SELENOT: variants seen among roughly 807,000 people sequenced by gnomAD.
SELENOT encodes thioredoxin reductase-like selenoprotein T.
Under a neutral mutation model 24.3 loss-of-function variants are expected in SELENOT, and 9 were observed. The observed-to-expected ratio is 0.37, with a 90% CI of 0.22 to 0.65. SELENOT has a LOEUF of 0.65. Ranked by LOEUF, SELENOT falls within the 30% of genes least tolerant of loss-of-function variation. The probability of loss-of-function intolerance (pLI) is 0.60; values close to 1 mark genes in which losing one functional copy is unlikely to be tolerated. For missense variants in SELENOT, 166 were observed against 247.6 expected, an observed-to-expected ratio of 0.67 and a Z score of 2.21; for synonymous variants, 81 against 86.0, an observed-to-expected ratio of 0.94 and a Z score of 0.32.
chr3:150,618,193 A>T (rs961118047), intron 1 of SELENOT, among the ~76,000 whole-genome samples: 1 of 151,902 alleles, frequency 6.6e-6, no homozygotes, highest in Non-Finnish European at 1.5e-5. Flanking sequence ...TAGAGAAGGA[A>T]CTCTGTTTGG....
At chr3:150,613,039 C>A (rs1576531279) in intron 1 of SELENOT, among the ~76,000 whole-genome samples, 2 of 152,136 alleles carry the variant, frequency 1.3e-5, no homozygotes, top group African/African-American at 2.4e-5. Flanking sequence ...ATGAAAGAGT[C>A]CGAAAGATTT....
rs1379659448 is a variant in SELENOT, at chr3:150,627,773, G to A, written c.*144G>A. On this transcript the variant is annotated 3_prime_UTR_variant, in exon 6 of 6. Transcript: ENST00000471696. ...TCTTGGCAGGCTCGTTGTACCTCTT[G>A]GAAAACCTCAATGCAAGATAGTGTT... 1 of 152,560 alleles carries A rather than the reference G, an allele frequency of 6.6e-6. No homozygotes were observed. The highest frequency in any genetic ancestry group is 2.1e-4 in the South Asian group (1 of 4,834). 9.5% of individuals were successfully genotyped at this position (152,560 alleles called of 1,614,324 possible). A position where few individuals can be genotyped will look rare whatever the true frequency, so the allele number is the denominator to read the frequency against.
intron 3 of SELENOT, 50 bp from the exon 4 acceptor site, chr3:150,624,762 A>T (rs1254137750): frequency 8.5e-7 from 1 of 1,177,372 alleles, no homozygotes; most frequent in South Asian, 1.4e-5. Context: ...TAAAAAGAGC[A>T]TTTACCAAAC....
In SELENOT at chr3:150,629,100, T is replaced by G. The variant is rs1162508050; in HGVS notation, c.*1471T>G. On this transcript the variant is annotated 3_prime_UTR_variant, in exon 6 of 6. Coordinates refer to ENST00000471696, the MANE Select transcript of SELENOT (RefSeq NM_016275.5). ...ACACTTAGGTGTTAGAAGACCTAAC[T>G]TTCTGTAACAATTAACCTTATACTT... 1.3e-5 allele frequency: 2 copies of G among 152,214 alleles called. No individual in the cohort carries two copies. Among genetic ancestry groups the G allele is most frequent in the Admixed American group, 1.3e-4 (2 of 15,282 alleles). The allele number at this position is 152,214 out of a possible 1,614,324, so 9.4% of individuals were successfully genotyped here. A position where few individuals can be genotyped will look rare whatever the true frequency, so the allele number is the denominator to read the frequency against.
intron 1 of SELENOT, among the ~76,000 whole-genome samples, chr3:150,613,530 G>C (rs963496771): frequency 1.3e-5 from 2 of 152,184 alleles, no homozygotes; most frequent in African/African-American, 2.4e-5. Flanking sequence ...TTTTTGATTT[G>C]TTTCGTGGAG....
intron 3 of SELENOT, among the ~76,000 whole-genome samples, chr3:150,623,492 A>C (rs533556992): frequency 6.6e-6 from 1 of 152,128 alleles, no homozygotes; most frequent in Admixed American, 6.5e-5. Context: ...GCAAAACATA[A>C]TATATACATA....
intron 1 of SELENOT, among the ~76,000 whole-genome samples, chr3:150,607,287 A>G (rs1013926614): frequency 2.6e-5 from 4 of 152,276 alleles, no homozygotes; most frequent in Non-Finnish European, 5.9e-5. Flanking sequence ...TAAATTTACA[A>G]CTATTCAGCC....
At chr3:150,618,689 T>C (rs141055064) in intron 1 of SELENOT, 4 of 153,866 alleles carry the variant, frequency 2.6e-5, no homozygotes, top group African/African-American at 7.3e-5. Flanking sequence ...ACCTGGCTAA[T>C]TTTTTCTTTT....
At chr3:150,605,193 T>G (rs1725935358) in intron 1 of SELENOT, among the ~76,000 whole-genome samples, 1 of 152,256 alleles carries the variant, frequency 6.6e-6, no homozygotes, top group Admixed American at 6.5e-5. Context: ...ACCTAAAGAT[T>G]GTTAAGGGTT....
At chr3:150,617,691 T>C (rs1375879844) in intron 1 of SELENOT, among the ~76,000 whole-genome samples, 5 of 152,114 alleles carry the variant, frequency 3.3e-5, no homozygotes, top group Non-Finnish European at 5.9e-5. Context: ...GTGCTGCAGC[T>C]GTAAGAGAAA....
At chr3:150,625,722 T>A (rs1726425426) in intron 4 of SELENOT, among the ~76,000 whole-genome samples, 1 of 152,190 alleles carries the variant, frequency 6.6e-6, no homozygotes, top group Admixed American at 6.5e-5. Context: ...TTGCTTTGCA[T>A]CAGTGAAAAA....
At position 150,612,766 on chromosome 3, in the gene SELENOT, A is replaced by C. The variant is rs1726125467; in HGVS notation, c.137+9267A>C. Among the ~76,000 whole-genome samples the C allele has an allele frequency of 2.0e-5, 3 of 152,332 alleles. No individual in the cohort carries two copies. In the South Asian group the frequency reaches 6.2e-4, roughly 32 times the overall value. On this transcript the variant is annotated intron_variant, in intron 1 of 5. Coordinates refer to ENST00000471696, the MANE Select transcript of SELENOT (RefSeq NM_016275.5). ...TTATCCATCTTCTTATTTTGCCCAT[A>C]GTTAAAAAGCCACTTTTGTTATATT...
chr3:150,603,692 A>G, intron 1 of SELENOT, 193 bp downstream of exon 1: 4 of 581,874 alleles, frequency 6.9e-6, no homozygotes, highest in East Asian at 3.2e-5. Context: ...TCCAGGTATA[A>G]CTGCTCACTT....
At chr3:150,622,558 T>A (rs987490584) in intron 2 of SELENOT, 63 bp downstream of exon 2, 5 of 739,066 alleles carry the variant, frequency 6.8e-6, no homozygotes, top group Non-Finnish European at 1.0e-5. Flanking sequence ...GTTTGTGAAT[T>A]GGTTTAATTA....
At chr3:150,624,783 C>T in intron 3 of SELENOT, 29 bp from the exon 4 acceptor site, 3 of 1,380,886 alleles carry the variant, frequency 2.2e-6, no homozygotes, top group Non-Finnish European at 3.0e-6. Flanking sequence ...ATGACTTTGC[C>T]TGTTGTGCTT....
chr3:150,626,191 T>A (rs192105217), intron 4 of SELENOT, among the ~76,000 whole-genome samples: 4 of 152,182 alleles, frequency 2.6e-5, no homozygotes. Context: ...ATAACTTTTT[T>A]AATGCAAATT....
At chr3:150,616,128 G>A (rs1726212201) in intron 1 of SELENOT, among the ~76,000 whole-genome samples, 2 of 149,418 alleles carry the variant, frequency 1.3e-5, no homozygotes, top group Non-Finnish European at 1.5e-5. Context: ...AAATGGTGCT[G>A]GGAAAATTGG....
At chr3:150,603,520 C>CCGGCCACCCCGCCGCGCCT in intron 1 of SELENOT, 21 bp downstream of exon 1, 1 of 1,559,144 alleles carries the variant, frequency 6.4e-7, no homozygotes, top group South Asian at 1.1e-5. Flanking sequence ...GCACTGGGCC[C>CCGGCCACCCCGCCGCGCCT]CGGCCACCCC....
rs1161852069 is a variant in SELENOT, at chr3:150,630,277, AT to A, written c.*2651del. ...AACATTTTATCATTGTCAGAATTTA[AT>A]TTAGATTTCAAAAATAGCTTACAGG... On this transcript the variant is annotated 3_prime_UTR_variant, in exon 6 of 6. Coordinates refer to ENST00000471696, the MANE Select transcript of SELENOT (RefSeq NM_016275.5). 6.6e-6 allele frequency: 1 copy of A among 152,178 alleles called. No homozygotes were observed. The highest frequency in any genetic ancestry group is 1.9e-4 in the East Asian group (1 of 5,190). The allele number at this position is 152,178 out of a possible 1,614,324, so 9.4% of individuals were successfully genotyped here.
Sources: gnomAD v4.1 joint callset for allele counts (sites outside exome capture counted in the v4.1 genomes callset) on GRCh38, gnomAD v4.1.1 for gene constraint, MANE v1.5 for transcripts, NCBI Gene and HGNC (gene_info 2026-07-23, HGNC 2026-07-21) for gene names.